Variants in ACACA observed in about 807,000 individuals in gnomAD.
ACACA encodes acetyl-CoA carboxylase 1.
A neutral mutation model predicts 296.1 loss-of-function variants in ACACA; 103 were observed. The ratio of observed to expected loss-of-function variants is 0.35; its 90% CI spans 0.30 to 0.41. The LOEUF is 0.41. ACACA is among the 10% of genes least tolerant of loss of function. ACACA has a pLI of 1.00. For synonymous variants in ACACA, 953 were observed against 1,038.6 expected, an observed-to-expected ratio of 0.92 and a Z score of 1.58; for missense variants, 1,554 against 2,989.7, an observed-to-expected ratio of 0.52 and a Z score of 11.20.
intron 47 of ACACA, among the ~76,000 whole-genome samples, chr17:37,128,650 T>C (rs1169918364): frequency 1.3e-5 from 2 of 152,234 alleles, no homozygotes; most frequent in Admixed American, 6.5e-5. Flanking sequence ...CCAAATGGAC[T>C]GACAAATGAG....
chr17:37,140,730 CG>C, intron 45 of ACACA: 2 of 220,722 alleles, frequency 9.1e-6, no homozygotes, highest in Non-Finnish European at 1.9e-5. Context: ...TTCCAGAGGT[CG>C]GGGGTCAGGT....
At chr17:37,302,969 A>AT (rs1431193755) in intron 3 of ACACA, among the ~76,000 whole-genome samples, 2 of 152,108 alleles carry the variant, frequency 1.3e-5, no homozygotes, top group African/African-American at 2.4e-5. Context: ...TATATGTGTC[A>AT]TTTTTTTAAA....
At chr17:37,290,238 G>A (rs1462082947) in intron 3 of ACACA, among the ~76,000 whole-genome samples, 1 of 152,042 alleles carries the variant, frequency 6.6e-6, no homozygotes, top group Non-Finnish European at 1.5e-5. Context: ...TAGCACAGAC[G>A]GGGTTTCACC....
chr17:37,376,720 C>A (rs888686810), intron 1 of ACACA, among the ~76,000 whole-genome samples: 1 of 152,108 alleles, frequency 6.6e-6, no homozygotes, highest in African/African-American at 2.4e-5. Context: ...TTTGGGAGGC[C>A]AAGATTGGTG....
rs566766963 is a variant in ACACA at position 37,287,304 on chromosome 17, A to G, written c.339-2334T>C. ...CACATATAGTTTTACATATACATAC[A>G]TAAATAAGACCAGTCTTTCTTTCTT... is the stretch of plus-strand genomic sequence containing the variant. On this transcript the variant is annotated intron_variant, in intron 3 of 55. Transcript: ENST00000616317. Among the ~76,000 whole-genome samples, 3 of 152,348 alleles carry G rather than the reference A, an allele frequency of 2.0e-5. No individual in the cohort carries two copies. The East Asian group carries it at 5.8e-4, about 29-fold the overall frequency.
chr17:37,097,791 T>C lies in ACACA; in HGVS notation c.6720+39A>G, dbSNP rs764145736. On this transcript the variant is annotated intron_variant, in intron 53 of 55. Transcript: ENST00000616317. This position sits in a 1 kb window ranked among gnomAD's most constrained non-coding sequence, Gnocchi z 4.8. ...CAACACACACACACACTTGCCCACA[T>C]GTGGGCCTCTGACAAGAAGTGGCAA... is the stretch of plus-strand genomic sequence containing the variant. The C allele has an allele frequency of 6.2e-7, 1 of 1,611,738 alleles. No homozygotes were observed. The highest frequency in any genetic ancestry group is 8.5e-7 in the Non-Finnish European group (1 of 1,178,064).
intron 1 of ACACA, among the ~76,000 whole-genome samples, chr17:37,362,891 C>A (rs1266330600): frequency 6.6e-6 from 1 of 150,504 alleles, no homozygotes; most frequent in Non-Finnish European, 1.5e-5. Context: ...AGGAAAATGG[C>A]GCGAACCCGG....
At chr17:37,137,632 T>G (rs564482685) in intron 45 of ACACA, among the ~76,000 whole-genome samples, 1 of 152,308 alleles carries the variant, frequency 6.6e-6, no homozygotes, top group South Asian at 2.1e-4. Flanking sequence ...AAAATAAGTC[T>G]TTCATATTAG....
chr17:37,371,892 T>C (rs970284629), intron 1 of ACACA, among the ~76,000 whole-genome samples: 15 of 151,450 alleles, frequency 9.9e-5, no homozygotes, highest in Non-Finnish European at 1.6e-4. Flanking sequence ...ACAGCGAGAC[T>C]ACGTCTCAAA....
At chr17:37,278,745 G>C (rs1366642162) in intron 5 of ACACA, among the ~76,000 whole-genome samples, 1 of 152,126 alleles carries the variant, frequency 6.6e-6, no homozygotes, top group Non-Finnish European at 1.5e-5. Context: ...GACAGAAAAT[G>C]ATGGCTTGGA....
intron 48 of ACACA, among the ~76,000 whole-genome samples, chr17:37,123,983 G>A (rs1224057846): frequency 3.3e-5 from 5 of 152,182 alleles, no homozygotes; most frequent in African/African-American, 1.2e-4. Context: ...GCTAGCACAT[G>A]AAGATGCTAC....
chr17:37,356,470 C>T (rs901019148), intron 1 of ACACA, among the ~76,000 whole-genome samples: 1 of 152,034 alleles, frequency 6.6e-6, no homozygotes, highest in Non-Finnish European at 1.5e-5. Context: ...GCTCTGCCTC[C>T]CAGGTTCATG....
At chr17:37,402,834 G>A (rs893876771) in intron 1 of ACACA, among the ~76,000 whole-genome samples, 1 of 151,928 alleles carries the variant, frequency 6.6e-6, no homozygotes, top group African/African-American at 2.4e-5. Context: ...CACCACGCCC[G>A]GCTAATTTTT....
At chr17:37,122,505 C>T (rs1420930352) in intron 49 of ACACA, 26 bp downstream of exon 49, 2 of 1,583,320 alleles carry the variant, frequency 1.3e-6, no homozygotes, top group East Asian at 2.2e-5. Context: ...CCAAGCACAG[C>T]CCCCAGTGTA....
intron 33 of ACACA, among the ~76,000 whole-genome samples, chr17:37,202,622 T>A (rs2078298971): frequency 6.8e-6 from 1 of 146,348 alleles, no homozygotes; most frequent in Admixed American, 6.8e-5. Context: ...TAGTTGCCAC[T>A]TTATCTTTTG....
chr17:37,364,993 GAC>G (rs1172550878), intron 1 of ACACA, among the ~76,000 whole-genome samples: 1 of 151,806 alleles, frequency 6.6e-6, no homozygotes, highest in Non-Finnish European at 1.5e-5. Flanking sequence ...TTTTTTCTGA[GAC>G]AGAGTCTCGC....
intron 19 of ACACA, among the ~76,000 whole-genome samples, chr17:37,246,360 G>A (rs557422127): frequency 1.6e-4 from 24 of 152,106 alleles, no homozygotes; most frequent in Admixed American, 3.3e-4. Flanking sequence ...CTTAAGGTTC[G>A]CACTTCTAAT....
chr17:37,299,682 C>T lies in ACACA; in HGVS notation c.339-14712G>A, dbSNP rs542912103. On this transcript the variant is annotated intron_variant, in intron 3 of 55. Coordinates refer to ENST00000616317, the MANE Select transcript of ACACA (RefSeq NM_198834.3). ...CTAGAAAGTAGATCTTAGCAGCTCTCCTTTAGTTGCAGCAAACATTTTCAA... is the reference window on the plus strand; with the variant it reads ...CTAGAAAGTAGATCTTAGCAGCTCTTCTTTAGTTGCAGCAAACATTTTCAA... 16 of 1,036,200 alleles carry T rather than the reference C, an allele frequency of 1.5e-5. No homozygotes were observed. In the South Asian group the frequency reaches 6.6e-4, roughly 43 times the overall value. 64.2% of individuals were successfully genotyped at this position (1,036,200 alleles called of 1,614,324 possible). A position where few individuals can be genotyped will look rare whatever the true frequency, so the allele number is the denominator to read the frequency against.
intron 2 of ACACA, 121 bp from the exon 3 acceptor site, chr17:37,330,546 T>A: frequency 1.6e-6 from 2 of 1,267,096 alleles, no homozygotes; most frequent in Non-Finnish European, 2.2e-6. Context: ...ATTTGAGAAC[T>A]AACTTCCTTG....
Sources: gnomAD v4.1 joint callset for allele counts (sites outside exome capture counted in the v4.1 genomes callset) on GRCh38, gnomAD v4.1.1 for gene constraint, Gnocchi (gnomAD v3.1) non-coding constraint, MANE v1.5 for transcripts, NCBI Gene and HGNC (gene_info 2026-07-23, HGNC 2026-07-21) for gene names.